Variants in FAM110B observed in about 807,000 individuals in gnomAD.
The protein encoded by FAM110B is family with sequence similarity 110 member B, also known as protein FAM110B.
FAM110B carries 6 observed loss-of-function variants against 20.4 expected under a neutral mutation model. The observed-to-expected ratio is 0.29, with a 90% CI of 0.16 to 0.58. The LOEUF (loss-of-function observed/expected upper bound fraction) is 0.58, where lower values mean the gene tolerates loss of function less well. Among genes scored for constraint, FAM110B ranks in the 20% least tolerant of loss-of-function variants. The probability of loss-of-function intolerance (pLI) is 0.90; values close to 1 mark genes in which losing one functional copy is unlikely to be tolerated. For missense variants in FAM110B, 434 were observed against 498.2 expected (o/e 0.87, Z 1.23); for synonymous variants, 226 against 214.1 (o/e 1.06, Z -0.49).
chr8:58,088,555 A>T (rs1806394766), intron 3 of FAM110B, among the ~76,000 whole-genome samples: 1 of 152,198 alleles, frequency 6.6e-6, no homozygotes, highest in Non-Finnish European at 1.5e-5. Context: ...ATACTTATTT[A>T]ACAAACCAAA....
At chr8:58,126,511 C>T (rs1807508652) in intron 3 of FAM110B, among the ~76,000 whole-genome samples, 1 of 152,138 alleles carries the variant, frequency 6.6e-6, no homozygotes, top group Admixed American at 6.5e-5. Flanking sequence ...TACATTCCTA[C>T]TATCAAGGCA....
intron 3 of FAM110B, among the ~76,000 whole-genome samples, chr8:58,085,088 G>T (rs1323193087): frequency 2.0e-5 from 3 of 152,304 alleles, no homozygotes; most frequent in Admixed American, 1.3e-4. Flanking sequence ...GAAAAAGCAG[G>T]CTTCGTTTTC....
At chr8:58,013,498 A>G (rs934876306) in intron 1 of FAM110B, among the ~76,000 whole-genome samples, 5 of 152,284 alleles carry the variant, frequency 3.3e-5, no homozygotes, top group Admixed American at 2.6e-4. Context: ...CGTTCACCAC[A>G]TTGCTGAATC....
intron 3 of FAM110B, chr8:58,099,051 C>G (rs905134757): frequency 2.0e-5 from 3 of 152,220 alleles, no homozygotes; most frequent in Non-Finnish European, 4.4e-5. Context: ...TTCTTGTTCA[C>G]TCTTCCCTGT....
chr8:58,116,103 C>T (rs1216949551), intron 3 of FAM110B, among the ~76,000 whole-genome samples: 4 of 152,324 alleles, frequency 2.6e-5, no homozygotes, highest in African/African-American at 7.2e-5. Flanking sequence ...TACATACATA[C>T]ATGCATGCAT....
intron 3 of FAM110B, among the ~76,000 whole-genome samples, chr8:58,107,996 A>G (rs1036649647): frequency 3.9e-5 from 6 of 152,206 alleles, no homozygotes; most frequent in Non-Finnish European, 8.8e-5. Context: ...TTTTTTACTA[A>G]TGTAACGTCC....
intron 2 of FAM110B, among the ~76,000 whole-genome samples, 169 bp from the exon 3 acceptor site, chr8:58,075,366 C>G (rs1222682508): frequency 6.6e-6 from 1 of 151,738 alleles, no homozygotes; most frequent in Non-Finnish European, 1.5e-5. Flanking sequence ...TGATCTGCCC[C>G]CCTCGGCCTC....
chr8:58,076,445 G>A (rs1251876042), intron 3 of FAM110B, among the ~76,000 whole-genome samples: 2 of 152,142 alleles, frequency 1.3e-5, no homozygotes, highest in African/African-American at 4.8e-5. Flanking sequence ...TTTGGAGGAT[G>A]GCCGACCAGC....
intron 3 of FAM110B, among the ~76,000 whole-genome samples, chr8:58,101,795 G>A (rs1350060615): frequency 6.6e-6 from 1 of 152,136 alleles, no homozygotes; most frequent in Non-Finnish European, 1.5e-5. Flanking sequence ...ATGGCATCCA[G>A]TGGCTCACCA....
chr8:58,001,513 A>G (rs747721791), intron 1 of FAM110B, among the ~76,000 whole-genome samples: 28 of 151,794 alleles, frequency 1.8e-4, no homozygotes, highest in Non-Finnish European at 3.1e-4. Flanking sequence ...TGCTTGTTTG[A>G]TTTTTCTTAC....
chr8:58,014,314 A>G (rs1036269322), intron 1 of FAM110B, among the ~76,000 whole-genome samples: 14 of 152,092 alleles, frequency 9.2e-5, no homozygotes, highest in Admixed American at 4.6e-4. Context: ...TGCTTTGTCA[A>G]CTGTAGCACA....
chr8:58,046,161 A>G (rs974904106), intron 2 of FAM110B, among the ~76,000 whole-genome samples: 2 of 152,254 alleles, frequency 1.3e-5, no homozygotes, highest in Non-Finnish European at 2.9e-5. Context: ...CTTCAGTAAC[A>G]TAAAATATGA....
chr8:58,099,915 C>T (rs1274146385), intron 3 of FAM110B, among the ~76,000 whole-genome samples: 1 of 152,124 alleles, frequency 6.6e-6, no homozygotes, highest in Non-Finnish European at 1.5e-5. Context: ...TCACTCTCTT[C>T]AGTCTCTCCT....
intron 3 of FAM110B, among the ~76,000 whole-genome samples, chr8:58,103,956 T>C (rs1332021483): frequency 6.6e-6 from 1 of 152,250 alleles, no homozygotes; most frequent in Non-Finnish European, 1.5e-5. Context: ...TTTCATTCAC[T>C]TCTCATTGCC....
intron 2 of FAM110B, among the ~76,000 whole-genome samples, chr8:58,046,999 C>T (rs942030955): frequency 6.6e-6 from 1 of 152,018 alleles, no homozygotes; most frequent in South Asian, 2.1e-4. Flanking sequence ...GAGCTGATGT[C>T]GACAGCCGTA....
intron 2 of FAM110B, among the ~76,000 whole-genome samples, chr8:58,048,072 G>T (rs946099883): frequency 5.9e-5 from 9 of 152,278 alleles, no homozygotes; most frequent in African/African-American, 1.9e-4. Context: ...CTTAAACCCA[G>T]CTTGAAGCTC....
At chr8:58,047,872 T>A (rs1193534966) in intron 2 of FAM110B, among the ~76,000 whole-genome samples, 1 of 152,056 alleles carries the variant, frequency 6.6e-6, no homozygotes, top group African/African-American at 2.4e-5. Flanking sequence ...GGAGACCAGT[T>A]TGAGAATTTT....
At chr8:58,078,403 T>C (rs751537968) in intron 3 of FAM110B, among the ~76,000 whole-genome samples, 35 of 152,202 alleles carry the variant, frequency 2.3e-4, no homozygotes, top group Non-Finnish European at 4.0e-4. Flanking sequence ...CTATGCATTA[T>C]GCATGTAATT....
intron 1 of FAM110B, among the ~76,000 whole-genome samples, chr8:58,016,927 A>G (rs892688760): frequency 1.3e-5 from 2 of 152,190 alleles, no homozygotes; most frequent in Non-Finnish European, 2.9e-5. Flanking sequence ...GGCTGGAAGC[A>G]GGGAGTAGGG....
Sources: gnomAD v4.1 joint callset for allele counts (sites outside exome capture counted in the v4.1 genomes callset) on GRCh38, gnomAD v4.1.1 for gene constraint, MANE v1.5 for transcripts, NCBI Gene and HGNC (gene_info 2026-07-23, HGNC 2026-07-21) for gene names.